Variants in INTS10 observed in about 807,000 individuals in gnomAD.
The protein encoded by INTS10 is chromosome 8 open reading frame 35.
INTS10 carries 44 observed loss-of-function variants against 94.4 expected under a neutral mutation model. The observed-to-expected ratio is 0.47, with a 90% CI of 0.37 to 0.60. The LOEUF (loss-of-function observed/expected upper bound fraction) is 0.60, where lower values mean the gene tolerates loss of function less well. Ranked by LOEUF, INTS10 falls within the 20% of genes least tolerant of loss-of-function variation. The pLI is 0.00. For synonymous variants in INTS10, 341 were observed against 320.7 expected, an observed-to-expected ratio of 1.06 and a Z score of -0.68; for missense variants, 797 against 868.7, an observed-to-expected ratio of 0.92 and a Z score of 1.04.
chr8:19,831,012 A>G (rs1428964956), intron 10 of INTS10, among the ~76,000 whole-genome samples: 1 of 152,130 alleles, frequency 6.6e-6, no homozygotes, highest in African/African-American at 2.4e-5. Flanking sequence ...TTGTCTGAAA[A>G]ACTCAAAATC....
rs1238896712 is a variant in INTS10, at chr8:19,851,520, G to T, written c.1977-129G>T. 4 of 819,052 alleles carry T rather than the reference G, an allele frequency of 4.9e-6. No individual in the cohort carries two copies. The African/African-American group carries it at 6.9e-5, about 14-fold the overall frequency. 50.7% of individuals were successfully genotyped at this position (819,052 alleles called of 1,614,324 possible). ...TGTTTGGTTGGTTGCAGCTATTCTT[G>T]TGTTCTTTTTAAAATATCTGAAATT... On this transcript the variant is annotated intron_variant, in intron 16 of 16. Coordinates refer to ENST00000397977, the MANE Select transcript of INTS10 (RefSeq NM_018142.4). The surrounding 1 kb of genome is among the most constrained non-coding windows in gnomAD (Gnocchi z 5.0).
chr8:19,841,837 T>A (rs1293380920), intron 13 of INTS10: 1 of 455,978 alleles, frequency 2.2e-6, no homozygotes, highest in Non-Finnish European at 4.4e-6. Context: ...GGTCATGAGT[T>A]TCAACCAGAA....
chr8:19,848,785 A>C (rs1392230279), intron 16 of INTS10: 2 of 158,290 alleles, frequency 1.3e-5, no homozygotes, highest in East Asian at 1.8e-4. Context: ...TACCGTGAGA[A>C]GAGTGGAAAG....
intron 9 of INTS10, among the ~76,000 whole-genome samples, chr8:19,827,968 T>C (rs1380315980): frequency 3.3e-5 from 5 of 152,096 alleles, no homozygotes; most frequent in African/African-American, 1.2e-4. Flanking sequence ...TCCCAGCACT[T>C]TGGGGGCCAA....
In INTS10 at chr8:19,851,821, C is replaced by A; in HGVS notation, c.*16C>A. 2.5e-6 allele frequency: 4 copies of A among 1,611,804 alleles called. No individual in the cohort carries two copies. Among genetic ancestry groups the A allele is most frequent in the Non-Finnish European group, 3.4e-6 (4 of 1,177,962 alleles). ...TCTGACCTGAGTGGAGACCTTTCCA[C>A]CAGACACAGCTCGGGCCTGTGTAAT... On this transcript the variant is annotated 3_prime_UTR_variant, in exon 17 of 17. Coordinates refer to ENST00000397977, the MANE Select transcript of INTS10 (RefSeq NM_018142.4). This position sits in a 1 kb window ranked among gnomAD's most constrained non-coding sequence, Gnocchi z 5.0.
intron 9 of INTS10, among the ~76,000 whole-genome samples, chr8:19,827,562 G>C (rs1423918819): frequency 6.6e-6 from 1 of 152,080 alleles, no homozygotes; most frequent in Non-Finnish European, 1.5e-5. Flanking sequence ...GCTGGAGCAG[G>C]TGTGTGGTGA....
Position 19,817,644 on chromosome 8 carries a change from AC to A in INTS10, c.110del (p.Pro37ArgfsTer32), listed in dbSNP as rs776855962. 1.2e-6 allele frequency: 2 copies of A among 1,607,056 alleles called. No homozygotes were observed. The highest frequency in any genetic ancestry group is 8.5e-7 in the Non-Finnish European group (1 of 1,177,460). On this transcript the variant is annotated frameshift_variant, in exon 1 of 17. Transcript: ENST00000397977. LOFTEE classifies it high-confidence loss of function. Reference protein sequence around the residue: ...KAWLITARSLYPADFNIQYEM... With the variant: ...KAWLITARSLXPADFNIQYEM... ...TGGCTGATCACGGCCCGCAGCCTCT[AC>A]CCGGCAGACTTTAACATCCAGGTGA... is the stretch of plus-strand genomic sequence containing the variant.
In INTS10 at chr8:19,820,945, G is replaced by A. The variant is rs190596581; in HGVS notation, c.441+427G>A. 73 of 153,886 alleles carry A rather than the reference G, an allele frequency of 4.7e-4. 1 individual carries two copies. The highest frequency in any genetic ancestry group is 1.0e-3 in the South Asian group (5 of 4,856). 9.5% of individuals were successfully genotyped at this position (153,886 alleles called of 1,614,324 possible). A position where few individuals can be genotyped will look rare whatever the true frequency, so the allele number is the denominator to read the frequency against. The stretch of plus-strand genomic sequence containing the variant: ...TTATCGAGTGCTATTGGCAGGCATG[G>A]GAAAGTGCTAGGTATCTCCTATCTT... On this transcript the variant is annotated intron_variant, in intron 4 of 16. Coordinates refer to ENST00000397977, the MANE Select transcript of INTS10 (RefSeq NM_018142.4).
Position 19,843,870 on chromosome 8 carries a change from G to C in INTS10, c.1720-206G>C, listed in dbSNP as rs2068342465. Reference sequence around the variant, plus strand: ...AGCAGCTGTGCAGAGGGAGCCTGAGGCTTCTTTGGTTAGAATCCACCCTCC... The same window carrying C: ...AGCAGCTGTGCAGAGGGAGCCTGAGCCTTCTTTGGTTAGAATCCACCCTCC... On this transcript the variant is annotated intron_variant, in intron 14 of 16. Coordinates refer to ENST00000397977, the MANE Select transcript of INTS10 (RefSeq NM_018142.4). The surrounding 1 kb of genome is among the most constrained non-coding windows in gnomAD (Gnocchi z 4.7). Among the ~76,000 whole-genome samples, 1 of 152,220 alleles carries C rather than the reference G, an allele frequency of 6.6e-6. No individual in the cohort carries two copies. The highest frequency in any genetic ancestry group is 2.4e-5 in the African/African-American group (1 of 41,460).
intron 9 of INTS10, among the ~76,000 whole-genome samples, chr8:19,827,201 C>T (rs1258745139): frequency 2.0e-5 from 3 of 152,090 alleles, no homozygotes; most frequent in Admixed American, 6.5e-5. Context: ...GGCAGTACCC[C>T]GAGCCCGTCC....
intron 13 of INTS10, among the ~76,000 whole-genome samples, chr8:19,839,613 G>A (rs1002147313): frequency 3.3e-5 from 5 of 152,010 alleles, no homozygotes; most frequent in Non-Finnish European, 5.9e-5. Context: ...CAGGAGGATC[G>A]CTTGAGCCCA....
chr8:19,841,437 G>C (rs1295635397), intron 13 of INTS10, among the ~76,000 whole-genome samples: 8 of 152,250 alleles, frequency 5.3e-5, no homozygotes, highest in African/African-American at 1.9e-4. Context: ...AGTATCTAGA[G>C]TTTTGAAAGA....
chr8:19,832,321 C>T (rs764479803), intron 11 of INTS10, among the ~76,000 whole-genome samples: 1 of 152,178 alleles, frequency 6.6e-6, no homozygotes, highest in Non-Finnish European at 1.5e-5. Flanking sequence ...CCTGTAATCC[C>T]AGCACTTTGG....
Position 19,819,654 on chromosome 8 carries a change from C to T in INTS10, c.279C>T (p.Asp93=). ...CAGCATTAAGGAACGATTCACAGGA[C>T]AAACAAACCCAATTTTTAAGAAGTA... is the stretch of plus-strand genomic sequence containing the variant. ...ITSALRNDSQ[D]KQTQFLRSLF... The change falls in exon 3 of 17, where the codon GAC becomes GAT. Residue 93 remains aspartate (D), a synonymous_variant. Transcript: ENST00000397977. 6.2e-7 allele frequency: 1 copy of T among 1,612,262 alleles called. No individual in the cohort carries two copies. The highest frequency in any genetic ancestry group is 8.5e-7 in the Non-Finnish European group (1 of 1,178,582).
intron 13 of INTS10, among the ~76,000 whole-genome samples, chr8:19,839,701 AAAAAAC>A (rs1484929781): frequency 1.3e-5 from 2 of 152,046 alleles, no homozygotes; most frequent in African/African-American, 2.4e-5. Flanking sequence ...TCCCTGTCTC[AAAAAAC>A]AAAAACAAAA....
At chr8:19,830,994 T>G (rs1011021320) in intron 10 of INTS10, among the ~76,000 whole-genome samples, 1 of 152,214 alleles carries the variant, frequency 6.6e-6, no homozygotes, top group African/African-American at 2.4e-5. Flanking sequence ...TTATCTGCAT[T>G]AACTCCATTG....
chr8:19,841,699 C>G (rs572833414), intron 13 of INTS10: 17 of 408,558 alleles, frequency 4.2e-5, no homozygotes, highest in African/African-American at 2.1e-4. Context: ...TAAAGTCATG[C>G]AACCATTCTG....
intron 9 of INTS10, among the ~76,000 whole-genome samples, chr8:19,829,054 T>G (rs1458308110): frequency 6.6e-6 from 1 of 152,216 alleles, no homozygotes; most frequent in Non-Finnish European, 1.5e-5. Flanking sequence ...CTGCGCACCT[T>G]ACCTGAGATG....
chr8:19,823,529 C>A, intron 6 of INTS10, 88 bp downstream of exon 6: 1 of 899,788 alleles, frequency 1.1e-6, no homozygotes, highest in African/African-American at 1.7e-5. Flanking sequence ...GATTATTCTC[C>A]TCTGGATACT....
Sources: allele counts gnomAD v4.1 joint callset (sites outside exome capture counted in the v4.1 genomes callset), GRCh38; gene constraint gnomAD v4.1.1; non-coding constraint Gnocchi (gnomAD v3.1); transcripts MANE v1.5; gene names NCBI Gene and HGNC (gene_info 2026-07-23, HGNC 2026-07-21).